KCNQ5: variants seen among roughly 807,000 people sequenced by gnomAD.
KCNQ5 encodes the protein potassium voltage-gated channel subfamily KQT member 5.
In KCNQ5, 30 loss-of-function variants were observed where a neutral mutation model predicts 98.2. The observed-to-expected ratio is 0.31, with a 90% confidence interval of 0.23 to 0.41. The LOEUF (loss-of-function observed/expected upper bound fraction) is 0.41. Among genes scored for constraint, KCNQ5 ranks in the 10% least tolerant of loss-of-function variants. The pLI is 1.00. For missense variants in KCNQ5, 835 were observed against 1,182.5 expected (o/e 0.71, Z 4.31); for synonymous variants, 458 against 449.4 (o/e 1.02, Z -0.24).
At chr6:72,919,469 C>G (rs1346933577) in intron 1 of KCNQ5, among the ~76,000 whole-genome samples, 1 of 152,144 alleles carries the variant, frequency 6.6e-6, no homozygotes, top group East Asian at 1.9e-4. Context: ...ATACACTCAT[C>G]TTATTCTCAA....
intron 1 of KCNQ5, among the ~76,000 whole-genome samples, chr6:72,946,289 A>G (rs1202898074): frequency 1.3e-5 from 2 of 152,230 alleles, no homozygotes; most frequent in Non-Finnish European, 2.9e-5. Flanking sequence ...TACATTTTAA[A>G]CAAATTACTT....
At chr6:73,001,577 T>G (rs139168497) in intron 1 of KCNQ5, among the ~76,000 whole-genome samples, 85 of 152,322 alleles carry the variant, frequency 5.6e-4, no homozygotes, top group African/African-American at 2.0e-3. Flanking sequence ...CTGCTCGCTT[T>G]TCCAAGTGTT....
chr6:72,623,427 T>TGTG (rs3057126), intron 1 of KCNQ5, among the ~76,000 whole-genome samples: 1 of 151,126 alleles, frequency 6.6e-6, no homozygotes, highest in Non-Finnish European at 1.5e-5. Flanking sequence ...TGTGTGTGTG[T>TGTG]AGTAAGCCTT....
At chr6:72,983,752 C>G (rs952229192) in intron 1 of KCNQ5, among the ~76,000 whole-genome samples, 5 of 150,978 alleles carry the variant, frequency 3.3e-5, no homozygotes, top group Non-Finnish European at 5.9e-5. Context: ...GGAGAAGAGG[C>G]ACTCTGCTTT....
chr6:72,812,374 G>T (rs530261764), intron 1 of KCNQ5, among the ~76,000 whole-genome samples: 6 of 152,260 alleles, frequency 3.9e-5, no homozygotes, highest in East Asian at 3.9e-4. Context: ...ACTACAATGC[G>T]TGGGCCAGCA....
chr6:73,153,775 T>C (rs1777243641), intron 10 of KCNQ5, among the ~76,000 whole-genome samples: 1 of 152,108 alleles, frequency 6.6e-6, no homozygotes. Context: ...GATTATTTAT[T>C]CTAGGTCCCA....
intron 1 of KCNQ5, among the ~76,000 whole-genome samples, chr6:72,734,670 G>A (rs112849990): frequency 3.3e-5 from 5 of 152,144 alleles, no homozygotes; most frequent in South Asian, 2.1e-4. Flanking sequence ...TACTTCATAG[G>A]CATATAAACT....
In KCNQ5 at chr6:72,769,542, T is replaced by TA. The variant is rs1561971516; in HGVS notation, c.398+146958dup. ...TACCTGAGCAGAGATTTTTTTTTTTTAAAGCTCTGTAGCTGATTCCATGTG... is the reference window on the plus strand; with the variant it reads ...TACCTGAGCAGAGATTTTTTTTTTTTAAAAGCTCTGTAGCTGATTCCATGTG... On this transcript the variant is annotated intron_variant, in intron 1 of 13. Coordinates refer to ENST00000370398, the MANE Select transcript of KCNQ5 (RefSeq NM_019842.4). Among the ~76,000 whole-genome samples the TA allele has an allele frequency of 2.6e-5, 4 of 151,870 alleles. No homozygotes were observed. The South Asian group carries it at 8.3e-4, about 32-fold the overall frequency.
At chr6:72,940,461 AAGGGCTGCAAC>A (rs2150238730) in intron 1 of KCNQ5, among the ~76,000 whole-genome samples, 1 of 152,168 alleles carries the variant, frequency 6.6e-6, no homozygotes, top group East Asian at 1.9e-4. Flanking sequence ...ATGCCCCAGC[AAGGGCTGCAAC>A]AGTCATGTCC....
intron 1 of KCNQ5, among the ~76,000 whole-genome samples, chr6:72,931,000 A>G (rs781057971): frequency 1.3e-5 from 2 of 152,120 alleles, no homozygotes; most frequent in Non-Finnish European, 2.9e-5. Context: ...TCTGCTTTCT[A>G]TAGTTTACTG....
chr6:72,973,352 T>C (rs1767994880), intron 1 of KCNQ5, among the ~76,000 whole-genome samples: 1 of 152,094 alleles, frequency 6.6e-6, no homozygotes, highest in African/African-American at 2.4e-5. Context: ...AAGAAAAATA[T>C]GGGTCAACAA....
chr6:72,669,309 A>G (rs1565069782), intron 1 of KCNQ5, among the ~76,000 whole-genome samples: 1 of 152,234 alleles, frequency 6.6e-6, no homozygotes, highest in Non-Finnish European at 1.5e-5. Context: ...AAAAATCGGA[A>G]GGAATGAAGG....
intron 7 of KCNQ5, 50 bp from the exon 8 acceptor site, chr6:73,120,433 A>T (rs1355551177): frequency 7.7e-7 from 1 of 1,305,684 alleles, no homozygotes; most frequent in Non-Finnish European, 1.1e-6. Context: ...TTTTATTCTA[A>T]ATCCTGCTCT....
chr6:72,992,718 A>T, intron 1 of KCNQ5, among the ~76,000 whole-genome samples: 1 of 101,390 alleles, frequency 9.9e-6, no homozygotes, highest in African/African-American at 5.0e-5. Context: ...TTAGCTGGTG[A>T]TTTTGCTCAT....
At chr6:72,909,729 T>TC (rs2150203726) in intron 1 of KCNQ5, among the ~76,000 whole-genome samples, 1 of 152,312 alleles carries the variant, frequency 6.6e-6, no homozygotes, top group Non-Finnish European at 1.5e-5. Context: ...AGCTTCCTAA[T>TC]ATAGAAGACA....
Position 73,129,987 on chromosome 6 carries a change from C to T in KCNQ5, c.1248-3434C>T, listed in dbSNP as rs572072773. On this transcript the variant is annotated intron_variant, in intron 9 of 13. Coordinates refer to ENST00000370398, the MANE Select transcript of KCNQ5 (RefSeq NM_019842.4). ...CTAGGGACTTCTTGAATGAGGTTTT[C>T]AACCCGCTTGAAATTTTCCTTGTTG... 8 of 662,014 alleles carry T rather than the reference C, an allele frequency of 1.2e-5. No individual in the cohort carries two copies. In the African/African-American group the frequency reaches 1.3e-4, roughly 11 times the overall value. The allele number at this position is 662,014 out of a possible 1,614,324, so 41.0% of individuals were successfully genotyped here. A position where few individuals can be genotyped will look rare whatever the true frequency, so the allele number is the denominator to read the frequency against.
At chr6:73,138,124 C>T (rs1776546546) in intron 10 of KCNQ5, among the ~76,000 whole-genome samples, 1 of 152,134 alleles carries the variant, frequency 6.6e-6, no homozygotes, top group South Asian at 2.1e-4. Context: ...GGAAGAGACT[C>T]AGGATAACAG....
At chr6:72,740,883 T>C (rs1771098040) in intron 1 of KCNQ5, among the ~76,000 whole-genome samples, 1 of 152,166 alleles carries the variant, frequency 6.6e-6, no homozygotes, top group Non-Finnish European at 1.5e-5. Context: ...ATTACGACTT[T>C]ATTGATGCTG....
At chr6:73,008,659 T>G (rs1769924703) in intron 2 of KCNQ5, among the ~76,000 whole-genome samples, 1 of 152,134 alleles carries the variant, frequency 6.6e-6, no homozygotes, top group African/African-American at 2.4e-5. Context: ...TCTACAACAA[T>G]AGTTGTAGAC....
Sources: allele counts gnomAD v4.1 joint callset (sites outside exome capture counted in the v4.1 genomes callset), GRCh38; gene constraint gnomAD v4.1.1; transcripts MANE v1.5; gene names NCBI Gene and HGNC (gene_info 2026-07-23, HGNC 2026-07-21).